The following ZPLD1 variants were observed in gnomAD, a reference collection of about 807,000 sequenced individuals.
ZPLD1 encodes zona pellucida-like domain-containing protein 1.
Under a neutral mutation model 47.2 loss-of-function variants are expected in ZPLD1, and 34 were observed. That is an observed-to-expected ratio of 0.72 (90% CI 0.55 to 0.96). The LOEUF is 0.96. ZPLD1 is among the 40% of genes least tolerant of loss of function. The pLI is 0.00. For synonymous variants in ZPLD1, 176 were observed against 186.2 expected (o/e 0.95, Z 0.45); for missense variants, 512 against 505.8 (o/e 1.01, Z -0.12).
intron 3 of ZPLD1, among the ~76,000 whole-genome samples, chr3:102,444,309 C>G (rs1289556054): frequency 6.6e-6 from 1 of 152,114 alleles, no homozygotes; most frequent in Non-Finnish European, 1.5e-5. Flanking sequence ...CATTTGCTAA[C>G]GAGAAACAGA....
At chr3:102,408,866 A>G (rs1177778987) in intron 7 of ZPLD1, among the ~76,000 whole-genome samples, 4 of 151,840 alleles carry the variant, frequency 2.6e-5, no homozygotes, top group African/African-American at 9.7e-5. Flanking sequence ...TCAGTCTGGA[A>G]GTATAATAAT....
chr3:102,405,604 A>G (rs1249091059), intron 7 of ZPLD1, among the ~76,000 whole-genome samples: 1 of 152,066 alleles, frequency 6.6e-6, no homozygotes, highest in Non-Finnish European at 1.5e-5. Context: ...AAATGAGACC[A>G]TCAAAGTGGT....
chr3:102,419,804 G>A (rs1187503762), intron 8 of ZPLD1, among the ~76,000 whole-genome samples: 5 of 151,400 alleles, frequency 3.3e-5, no homozygotes, highest in African/African-American at 4.8e-5. Flanking sequence ...AAGTTCATGA[G>A]TAGAGAATGA....
chr3:102,402,073 T>C (rs1034949212), intron 7 of ZPLD1, among the ~76,000 whole-genome samples: 1 of 152,058 alleles, frequency 6.6e-6, no homozygotes, highest in Admixed American at 6.6e-5. Flanking sequence ...CTTTCTATAA[T>C]TAAAAAATGC....
intron 7 of ZPLD1, among the ~76,000 whole-genome samples, chr3:102,399,276 A>G (rs754852211): frequency 6.6e-6 from 1 of 152,118 alleles, no homozygotes; most frequent in Non-Finnish European, 1.5e-5. Context: ...CATTATTTTT[A>G]GGTTACAATG....
At chr3:102,405,165 A>G (rs930627006) in intron 7 of ZPLD1, among the ~76,000 whole-genome samples, 1 of 152,004 alleles carries the variant, frequency 6.6e-6, no homozygotes, top group Admixed American at 6.6e-5. Flanking sequence ...AAGAGTCATA[A>G]TAAGTGCACT....
intron 7 of ZPLD1, among the ~76,000 whole-genome samples, chr3:102,416,513 G>A (rs1390477183): frequency 6.6e-6 from 1 of 151,902 alleles, no homozygotes; most frequent in Non-Finnish European, 1.5e-5. Context: ...CTAGCTTGAT[G>A]CTTCATTATA....
At chr3:102,476,301 A>T (rs1022457775) in intron 10 of ZPLD1, among the ~76,000 whole-genome samples, 2 of 152,196 alleles carry the variant, frequency 1.3e-5, no homozygotes, top group Non-Finnish European at 2.9e-5. Flanking sequence ...AGCTCGTACA[A>T]GCTCCAGGGT....
rs1323803668 is a variant in ZPLD1 at position 102,477,634 on chromosome 3, G to A, written c.*16G>A. 1 of 1,595,126 alleles carries A rather than the reference G, an allele frequency of 6.3e-7. No individual in the cohort carries two copies. Among genetic ancestry groups the A allele is most frequent in the East Asian group, 2.2e-5 (1 of 44,554 alleles). ...CTTTGACTGACTATAACAGATTCCT[G>A]CTCTCTGGAGAAGGCTTCACTGACT... On this transcript the variant is annotated 3_prime_UTR_variant, in exon 12 of 12. Transcript: ENST00000466937.
chr3:102,415,413 A>T (rs1393532575), intron 7 of ZPLD1, among the ~76,000 whole-genome samples: 2 of 151,818 alleles, frequency 1.3e-5, no homozygotes, highest in South Asian at 2.1e-4. Flanking sequence ...ATCCAAGTGA[A>T]AAATCAATGT....
upstream of ZPLD1, among the ~76,000 whole-genome samples, chr3:102,432,956 C>T (rs1375129578): frequency 1.3e-5 from 2 of 152,090 alleles, no homozygotes; most frequent in African/African-American, 2.4e-5. Context: ...TTAGAACTTC[C>T]TACTATTCTT....
At chr3:102,473,274 T>C (rs890709423) in intron 10 of ZPLD1, among the ~76,000 whole-genome samples, 1 of 152,182 alleles carries the variant, frequency 6.6e-6, no homozygotes, top group Non-Finnish European at 1.5e-5. Context: ...CCAGTAAAGA[T>C]AAATAAGTAG....
chr3:102,459,672 A>C lies in ZPLD1; in HGVS notation c.582+1819A>C, dbSNP rs1253563301. 3.3e-5 allele frequency among the ~76,000 whole-genome samples: 5 copies of C among 152,280 alleles called. No individual in the cohort carries two copies. In the South Asian group the frequency reaches 1.0e-3, roughly 32 times the overall value. ...TACAAGTGAAATAGATGGTGCCAAA[A>C]TACTTCTCTTTTTAAATCAGTTATA... On this transcript the variant is annotated intron_variant, in intron 6 of 11. Transcript: ENST00000466937.
chr3:102,391,359 G>A (rs1425684486), intron 6 of ZPLD1, among the ~76,000 whole-genome samples: 2 of 152,154 alleles, frequency 1.3e-5, no homozygotes, highest in African/African-American at 4.8e-5. Flanking sequence ...CCACAACAAT[G>A]TCTCCCATCT....
chr3:102,435,052 TC>T lies in ZPLD1; in HGVS notation c.-224del. ...ACATAATCCCCCAATCCCATACAAT[TC>T]AATTTCAGAAAAGTATTTAGGGACT... On this transcript the variant is annotated 5_prime_UTR_variant, in exon 1 of 12. Coordinates refer to ENST00000466937, the MANE Select transcript of ZPLD1 (RefSeq NM_001329788.2). 3 of 1,579,642 alleles carry T rather than the reference TC, an allele frequency of 1.9e-6. No homozygotes were observed. Among genetic ancestry groups the T allele is most frequent in the Non-Finnish European group, 2.6e-6 (3 of 1,148,886 alleles).
At position 102,452,922 on chromosome 3, in the gene ZPLD1, A is replaced by T. The variant is rs909883623; in HGVS notation, c.110A>T (p.Glu37Val). The T allele has an allele frequency of 6.2e-7, 1 of 1,613,168 alleles. No individual in the cohort carries two copies. Among genetic ancestry groups the T allele is most frequent in the African/African-American group, 1.3e-5 (1 of 74,894 alleles). The change falls in exon 4 of 12, where the codon GAA becomes GTA. Residue 37 changes from glutamate to valine, a missense_variant. By Grantham distance (121) the Glu-to-Val change is moderately radical. Coordinates refer to ENST00000466937, the MANE Select transcript of ZPLD1 (RefSeq NM_001329788.2). Reference protein sequence around the residue: ...DANLHSRFPAERDISVYCGVQ... With the variant: ...DANLHSRFPAVRDISVYCGVQ... ...TTTTTATATATTTTTATTTCAGCTG[A>T]AAGAGACATCAGTGTCTATTGTGGA...
chr3:102,454,808 A>G (rs1707387428), intron 4 of ZPLD1, among the ~76,000 whole-genome samples: 1 of 152,170 alleles, frequency 6.6e-6, no homozygotes, highest in Non-Finnish European at 1.5e-5. Flanking sequence ...GTGAGCCGAG[A>G]TTACACAACT....
chr3:102,405,869 C>T (rs1331802492), intron 7 of ZPLD1, among the ~76,000 whole-genome samples: 7 of 151,914 alleles, frequency 4.6e-5, no homozygotes, highest in East Asian at 1.9e-4. Flanking sequence ...ATCTTTCGCC[C>T]GTTTGGGCCT....
chr3:102,469,391 C>T (rs1279183698), intron 9 of ZPLD1, among the ~76,000 whole-genome samples: 2 of 152,058 alleles, frequency 1.3e-5, no homozygotes, highest in Non-Finnish European at 2.9e-5. Context: ...ATTAGCTAGT[C>T]ACAGAAGAAA....
Sources: gnomAD v4.1 joint callset for allele counts (sites outside exome capture counted in the v4.1 genomes callset) on GRCh38, gnomAD v4.1.1 for gene constraint, MANE v1.5 for transcripts, NCBI Gene and HGNC (gene_info 2026-07-23, HGNC 2026-07-21) for gene names.